Variants in TTC28 observed in about 807,000 individuals in gnomAD.
TTC28 encodes tetratricopeptide repeat domain 28, also known as tetratricopeptide repeat protein 28.
TTC28 carries 61 observed loss-of-function variants against 198.0 expected under a neutral mutation model. The ratio of observed to expected loss-of-function variants is 0.31; its 90% CI spans 0.25 to 0.38. The LOEUF (loss-of-function observed/expected upper bound fraction) is 0.38. TTC28 is among the 10% of genes least tolerant of loss of function. The probability of loss-of-function intolerance (pLI) is 1.00; values close to 1 mark genes in which losing one functional copy is unlikely to be tolerated. For synonymous variants in TTC28, 1,171 were observed against 1,297.8 expected (o/e 0.90, Z 2.10); for missense variants, 2,678 against 3,164.0 (o/e 0.85, Z 3.69).
intron 2 of TTC28, among the ~76,000 whole-genome samples, chr22:28,346,326 C>G (rs1270100004): frequency 6.6e-6 from 1 of 152,168 alleles, no homozygotes; most frequent in African/African-American, 2.4e-5. Context: ...TACTTTCATT[C>G]TAATGTATCA....
chr22:28,181,074 A>G (rs971778664), intron 5 of TTC28, among the ~76,000 whole-genome samples: 4 of 152,222 alleles, frequency 2.6e-5, no homozygotes, highest in African/African-American at 9.6e-5. Flanking sequence ...GCTGTTAGTG[A>G]TAGTTACAGC....
chr22:28,136,773 T>A (rs1943208936), intron 6 of TTC28, among the ~76,000 whole-genome samples: 1 of 152,224 alleles, frequency 6.6e-6, no homozygotes, highest in Non-Finnish European at 1.5e-5. Flanking sequence ...AATACAAGGC[T>A]CTGTTCTGTA....
chr22:28,163,989 G>A (rs1921565266), intron 5 of TTC28, among the ~76,000 whole-genome samples: 1 of 152,222 alleles, frequency 6.6e-6, no homozygotes, highest in Non-Finnish European at 1.5e-5. Context: ...GGCACACCAG[G>A]AGATTATATC....
At position 28,163,264 on chromosome 22, in the gene TTC28, C is replaced by T; in HGVS notation, c.1269G>A (p.Leu423=). The part of the protein sequence containing the change: ...AMSYHNYVLE[L]AQELMEKAIE... ...TAGCCTTCTCCATCAACTCCTGTGC[C>T]AGCTCCAGGACATAGTTATGGTAAG... Residue 423 remains leucine (L), a synonymous_variant, in exon 6 of 23, where the codon CTG becomes CTA. Coordinates refer to ENST00000397906, the MANE Select transcript of TTC28 (RefSeq NM_001145418.2). The T allele has an allele frequency of 1.3e-6, 2 of 1,551,890 alleles. No individual in the cohort carries two copies. The highest frequency in any genetic ancestry group is 1.7e-6 in the Non-Finnish European group (2 of 1,147,046).
intron 17 of TTC28, 131 bp from the exon 18 acceptor site, chr22:27,993,649 A>G (rs748997556): frequency 1.1e-4 from 95 of 861,492 alleles, no homozygotes; most frequent in Admixed American, 1.8e-4. Context: ...CCACGTGGCC[A>G]GGCCTGAGGA....
intron 6 of TTC28, among the ~76,000 whole-genome samples, chr22:28,132,783 A>G (rs1436237072): frequency 6.6e-6 from 1 of 152,186 alleles, no homozygotes; most frequent in African/African-American, 2.4e-5. Flanking sequence ...TGCTACAATA[A>G]CATTATTTCC....
At chr22:28,366,253 T>C (rs1265947073) in intron 2 of TTC28, among the ~76,000 whole-genome samples, 2 of 152,178 alleles carry the variant, frequency 1.3e-5, no homozygotes, top group Non-Finnish European at 2.9e-5. Context: ...CTATAGCCCA[T>C]ATGACATTCT....
rs55845425 is a variant in TTC28, at chr22:28,352,727, T to C, written c.382-46084A>G. Reference sequence around the variant, plus strand: ...ACCAAGAGTTACCAAGGTCTGCCCATGAAATAGGGACTGGAAAAACTGTAC... The same window carrying C: ...ACCAAGAGTTACCAAGGTCTGCCCACGAAATAGGGACTGGAAAAACTGTAC... On this transcript the variant is annotated intron_variant, in intron 2 of 22. Coordinates refer to ENST00000397906, the MANE Select transcript of TTC28 (RefSeq NM_001145418.2). Among the ~76,000 whole-genome samples the C allele has an allele frequency of 6.0e-3, 920 of 152,212 alleles. 6 individuals are homozygous for C. Among genetic ancestry groups the C allele is most frequent in the Non-Finnish European group, 8.8e-3 (599 of 68,016 alleles).
intron 2 of TTC28, among the ~76,000 whole-genome samples, chr22:28,495,477 A>G (rs760216790): frequency 6.6e-6 from 1 of 152,218 alleles, no homozygotes; most frequent in Non-Finnish European, 1.5e-5. Context: ...CATTCAAACT[A>G]TTCATCTCTT....
At position 28,218,428 on chromosome 22, in the gene TTC28, A is replaced by G. The variant is rs756772649; in HGVS notation, c.934-54829T>C. Among the ~76,000 whole-genome samples, 60 of 152,222 alleles carry G rather than the reference A, an allele frequency of 3.9e-4. 1 individual carries two copies. The highest frequency in any genetic ancestry group is 2.6e-4 in the Admixed American group (4 of 15,278). On this transcript the variant is annotated intron_variant, in intron 5 of 22. Coordinates refer to ENST00000397906, the MANE Select transcript of TTC28 (RefSeq NM_001145418.2). ...CCCCAAACTCTATCTTTCCCTTAAA[A>G]GCATGAATTGGCAGCAAATACTGTT...
intron 2 of TTC28, among the ~76,000 whole-genome samples, chr22:28,435,709 G>T (rs1221006431): frequency 6.6e-6 from 1 of 152,176 alleles, no homozygotes; most frequent in African/African-American, 2.4e-5. Flanking sequence ...TGCCAACTCA[G>T]ATTTCTTCAT....
intron 5 of TTC28, among the ~76,000 whole-genome samples, chr22:28,174,406 GAAAATA>G (rs1214895953): frequency 6.6e-6 from 1 of 152,118 alleles, no homozygotes; most frequent in African/African-American, 2.4e-5. Flanking sequence ...AAGATAACCA[GAAAATA>G]AACCATAAGG....
chr22:28,067,487 G>C (rs1940804785), intron 12 of TTC28, among the ~76,000 whole-genome samples: 1 of 152,046 alleles, frequency 6.6e-6, no homozygotes, highest in Non-Finnish European at 1.5e-5. Flanking sequence ...TGGAAAACTG[G>C]GGGGCAAGCA....
chr22:28,126,526 C>T (rs1942917062), intron 6 of TTC28, among the ~76,000 whole-genome samples: 1 of 152,196 alleles, frequency 6.6e-6, no homozygotes. Context: ...GGACTGAATA[C>T]CCACTCTCTA....
chr22:28,119,884 A>G (rs542008997), intron 6 of TTC28, among the ~76,000 whole-genome samples: 2 of 152,358 alleles, frequency 1.3e-5, no homozygotes, highest in East Asian at 1.9e-4. Context: ...TTTGGCTGGT[A>G]TCCAATAATT....
chr22:28,570,044 C>T (rs1297144340), intron 2 of TTC28, among the ~76,000 whole-genome samples: 1 of 152,092 alleles, frequency 6.6e-6, no homozygotes, highest in East Asian at 1.9e-4. Flanking sequence ...ATTAAAAAGT[C>T]AAAACATAAC....
At chr22:28,366,396 T>C (rs941064796) in intron 2 of TTC28, among the ~76,000 whole-genome samples, 7 of 152,162 alleles carry the variant, frequency 4.6e-5, no homozygotes, top group African/African-American at 1.7e-4. Context: ...ACTTAGTGAG[T>C]TCTAGTTACT....
At chr22:28,481,984 T>C (rs1419024582) in intron 2 of TTC28, among the ~76,000 whole-genome samples, 1 of 152,130 alleles carries the variant, frequency 6.6e-6, no homozygotes, top group Non-Finnish European at 1.5e-5. Context: ...ACTTGACAAG[T>C]GAATTTCACA....
At chr22:28,642,433 T>TAAA (rs113272911) in intron 1 of TTC28, among the ~76,000 whole-genome samples, 4 of 141,436 alleles carry the variant, frequency 2.8e-5, no homozygotes, top group South Asian at 4.5e-4. Context: ...GTTTGCCGTT[T>TAAA]AAAAAAAAAA....
Sources: gnomAD v4.1 joint callset for allele counts (sites outside exome capture counted in the v4.1 genomes callset) on GRCh38, gnomAD v4.1.1 for gene constraint, MANE v1.5 for transcripts, NCBI Gene and HGNC (gene_info 2026-07-23, HGNC 2026-07-21) for gene names.